Variants in SSX3 observed in about 807,000 individuals in gnomAD.
SSX3 encodes protein SSX3.
Under a neutral mutation model 14.8 loss-of-function variants are expected in SSX3, and 6 were observed. That is an observed-to-expected ratio of 0.41 (90% CI 0.22 to 0.80). SSX3 has a LOEUF of 0.80. Among genes scored for constraint, SSX3 ranks in the 30% least tolerant of loss-of-function variants. The pLI, the probability that SSX3 is intolerant of heterozygous loss-of-function variation, is 0.34. For synonymous variants in SSX3, 55 were observed against 52.9 expected (o/e 1.04, Z -0.18); for missense variants, 163 against 152.2 (o/e 1.07, Z -0.37).
intron 6 of SSX3, among the ~76,000 whole-genome samples, chrX:48,347,819 C>G (rs1601979447): frequency 8.9e-6 from 1 of 112,403 alleles, no homozygotes; most frequent in East Asian, 2.8e-4. Flanking sequence ...GGCTCCTTCC[C>G]TTCTCAGGCT....
intron 6 of SSX3, chrX:48,349,571 G>A (rs1479878790): frequency 1.6e-5 from 19 of 1,208,571 alleles, no homozygotes; most frequent in East Asian, 3.0e-5. Context: ...CGAACCTGCA[G>A]TATCTCTGAA....
chrX:48,350,780 T>C (rs1556949620), intron 5 of SSX3, among the ~76,000 whole-genome samples: 1 of 107,164 alleles, frequency 9.3e-6, no homozygotes. Context: ...TCTTTTTTTT[T>C]TTTTTTTTTG....
intron 6 of SSX3, among the ~76,000 whole-genome samples, chrX:48,348,908 C>G (rs1556949043): frequency 8.9e-6 from 1 of 111,796 alleles, no homozygotes; most frequent in Non-Finnish European, 1.9e-5. Context: ...GCAGGAGAAA[C>G]CTGTGAAGCT....
intron 5 of SSX3, among the ~76,000 whole-genome samples, chrX:48,351,785 A>G (rs1601983323): frequency 8.9e-6 from 1 of 112,612 alleles, no homozygotes; most frequent in East Asian, 2.8e-4. Context: ...TCATATGGCT[A>G]TCATATGGAT....
intron 2 of SSX3, 132 bp downstream of exon 2, chrX:48,355,049 G>A: frequency 8.3e-7 from 1 of 1,203,027 alleles, no homozygotes; most frequent in Non-Finnish European, 1.1e-6. Flanking sequence ...AGGGTGGGAG[G>A]CTCCCAAGGG....
rs782571320 is a variant in SSX3 at position 48,355,289 on chromosome X, A to G, written c.-20-20T>C. ...TCTGACCTGCAAGAGAAACAGATTG[A>G]GACTTTCCAGCCGCAGGACCTTTGG... On this transcript the variant is annotated intron_variant, in intron 1 of 7. Transcript: ENST00000298396. The G allele has an allele frequency of 3.9e-5, 46 of 1,188,567 alleles. 1 individual carries two copies. The South Asian group carries it at 7.9e-4, about 21-fold the overall frequency.
At chrX:48,355,126 G>A (rs1217831931) in intron 2 of SSX3, 55 bp downstream of exon 2, 1 of 1,200,462 alleles carries the variant, frequency 8.3e-7, no homozygotes, top group African/African-American at 1.8e-5. Context: ...TCAGAAACCG[G>A]GTCACCCCAC....
At chrX:48,352,056 A>C in intron 5 of SSX3, 44 bp downstream of exon 5, 1 of 1,189,507 alleles carries the variant, frequency 8.4e-7, no homozygotes, top group Non-Finnish European at 1.1e-6. Context: ...GCATCCTTGG[A>C]GGGACAAAGG....
intron 6 of SSX3, 150 bp downstream of exon 6, chrX:48,349,837 G>A: frequency 8.7e-7 from 1 of 1,145,293 alleles, no homozygotes; most frequent in Non-Finnish European, 1.2e-6. Context: ...GTCTCTGGAA[G>A]TCATGTCTAA....
Position 48,346,516 on chromosome X carries a change from G to C in SSX3, c.*524C>G. On this transcript the variant is annotated 3_prime_UTR_variant, in exon 8 of 8. Transcript: ENST00000298396. ...ATGCTGACCAGGAAACAGAGTGAGG[G>C]AAGCCTGACCAGGACGCATGGCAAT... 1 of 241,257 alleles carries C rather than the reference G, an allele frequency of 4.1e-6. No homozygotes were observed. The highest frequency in any genetic ancestry group is 7.4e-6 in the Non-Finnish European group (1 of 134,368). 19.9% of individuals were successfully genotyped at this position (241,257 alleles called of 1,213,427 possible).
chrX:48,348,519 G>A (rs190283804), intron 6 of SSX3: 2 of 480,094 alleles, frequency 4.2e-6, no homozygotes, highest in African/African-American at 4.8e-5. Flanking sequence ...TCAAATGAAA[G>A]GAAGAGTCGC....
chrX:48,353,363 C>T (rs1285199175), intron 4 of SSX3, among the ~76,000 whole-genome samples: 1 of 111,374 alleles, frequency 9.0e-6, no homozygotes, highest in Non-Finnish European at 1.9e-5. Flanking sequence ...GTAGCTCACA[C>T]TTGTAATCCC....
chrX:48,349,167 C>T (rs782780574), intron 6 of SSX3, among the ~76,000 whole-genome samples: 75 of 112,198 alleles, frequency 6.7e-4, no homozygotes, highest in Non-Finnish European at 1.2e-3. Flanking sequence ...GAAAGGAGTT[C>T]TACTGTGGGT....
At chrX:48,356,375 A>C (rs1425030431) in intron 1 of SSX3, among the ~76,000 whole-genome samples, 1 of 110,874 alleles carries the variant, frequency 9.0e-6, no homozygotes, top group Non-Finnish European at 1.9e-5. Context: ...TGGCTTCCAA[A>C]AGTGCAGGGA....
Position 48,351,611 on chromosome X carries a change from A to C in SSX3, c.330+489T>G, listed in dbSNP as rs782197548. Among the ~76,000 whole-genome samples, 151 of 112,426 alleles carry C rather than the reference A, an allele frequency of 1.3e-3. 1 individual carries two copies. The highest frequency in any genetic ancestry group is 3.5e-3 in the African/African-American group (109 of 30,973). On this transcript the variant is annotated intron_variant, in intron 5 of 7. Coordinates refer to ENST00000298396, the MANE Select transcript of SSX3 (RefSeq NM_021014.4). ...GGAGCTCTGGATTAGACTACCACTG[A>C]CACTGCGCCTCAGGAAAATTCTTTA...
intron 6 of SSX3, chrX:48,349,480 C>T (rs2061252334): frequency 1.2e-5 from 14 of 1,179,939 alleles, no homozygotes; most frequent in Non-Finnish European, 1.6e-5. Flanking sequence ...GTAGACTACA[C>T]TGTAGTGTAA....
rs201833765 is a variant in SSX3 at position 48,355,243 on chromosome X, C to G, written c.7G>C (p.Gly3Arg). 2.5e-6 allele frequency: 3 copies of G among 1,209,113 alleles called. No homozygotes were observed. The African/African-American group carries it at 5.3e-5, about 21-fold the overall frequency. ...GGTCTCCTTGCAAAGGTGTCATCTC[C>G]GTTCATGGCACAGGGAGTAGTCTGA... MN[G>R]DDTFARRPTV... The change falls in exon 2 of 8, where the codon GGA becomes CGA. Residue 3 changes from glycine (G) to arginine (R), a missense_variant. Physicochemically the swap from Gly to Arg is moderately radical, Grantham distance 125 (BLOSUM62 -2). Coordinates refer to ENST00000298396, the MANE Select transcript of SSX3 (RefSeq NM_021014.4).
At position 48,346,966 on chromosome X, in the gene SSX3, G is replaced by A. The variant is rs2061241830; in HGVS notation, c.*74C>T. The A allele has an allele frequency of 3.3e-6, 4 of 1,197,247 alleles. No individual in the cohort carries two copies. The East Asian group carries it at 1.2e-4, about 35-fold the overall frequency. On this transcript the variant is annotated 3_prime_UTR_variant, in exon 8 of 8. Coordinates refer to ENST00000298396, the MANE Select transcript of SSX3 (RefSeq NM_021014.4). ...TGCACCTGATGACGAGGGGTCCACA[G>A]CCATGCCCATGTTCGTGAAAGGTCA...
rs186907057 is a variant in SSX3, at chrX:48,352,046, G to C, written c.330+54C>G. The C allele has an allele frequency of 2.5e-4, 289 of 1,169,598 alleles. 1 individual carries two copies. The African/African-American group carries it at 4.7e-3, about 19-fold the overall frequency. On this transcript the variant is annotated intron_variant, in intron 5 of 7. Coordinates refer to ENST00000298396, the MANE Select transcript of SSX3 (RefSeq NM_021014.4). ...TATTCTCCCACTCTTACCAGTGTTC[G>C]CATCCTTGGAGGGACAAAGGTTCTC...
Sources: allele counts gnomAD v4.1 joint callset (sites outside exome capture counted in the v4.1 genomes callset), GRCh38; gene constraint gnomAD v4.1.1; transcripts MANE v1.5; gene names NCBI Gene and HGNC (gene_info 2026-07-23, HGNC 2026-07-21).